The following GRM5 variants were observed in gnomAD, a reference collection of about 807,000 sequenced individuals.
The protein encoded by GRM5 is glutamate metabotropic receptor 5, also known as metabotropic glutamate receptor 5.
Under a neutral mutation model 83.1 loss-of-function variants are expected in GRM5, and 19 were observed. The ratio of observed to expected loss-of-function variants is 0.23; its 90% CI spans 0.16 to 0.34. GRM5 has a LOEUF of 0.34. Among genes scored for constraint, GRM5 ranks in the 10% least tolerant of loss-of-function variants. The pLI is 1.00. For synonymous variants in GRM5, 675 were observed against 633.6 expected (o/e 1.07, Z -0.98); for missense variants, 1,160 against 1,588.3 (o/e 0.73, Z 4.58).
At chr11:88,597,746 C>T (rs1156909134) in intron 5 of GRM5, among the ~76,000 whole-genome samples, 1 of 152,022 alleles carries the variant, frequency 6.6e-6, no homozygotes, top group Non-Finnish European at 1.5e-5. Flanking sequence ...TTTGGTAAAT[C>T]TTTCATCTTA....
At chr11:88,708,268 G>A (rs1941205030) in intron 3 of GRM5, among the ~76,000 whole-genome samples, 1 of 152,036 alleles carries the variant, frequency 6.6e-6, no homozygotes, top group African/African-American at 2.4e-5. Flanking sequence ...GTAAGTAAAT[G>A]TGTCCCAGCA....
rs943526677 is a variant in GRM5 at position 89,014,790 on chromosome 11, A to G, written c.661+32422T>C. Among the ~76,000 whole-genome samples, 10 of 152,312 alleles carry G rather than the reference A, an allele frequency of 6.6e-5. No homozygotes were observed. The East Asian group carries it at 1.5e-3, about 24-fold the overall frequency. On this transcript the variant is annotated intron_variant, in intron 2 of 9. Transcript: ENST00000305447. ...TGTATCAAAACATCTCATGTAACCC[A>G]TAAATATATATACCTACTCTGTACC...
rs10831385 is a variant in GRM5, at chr11:88,764,634, A to T, written c.911+85272T>A. Among the ~76,000 whole-genome samples, 576 of 151,426 alleles carry T rather than the reference A, an allele frequency of 3.8e-3. 3 individuals are homozygous for T. The highest frequency in any genetic ancestry group is 0.013 in the African/African-American group (540 of 41,428). ...AATCAAAAAAACAAATCACAGGGGA[A>T]ATTGGAAAATACTTAAAGATGAATG... On this transcript the variant is annotated intron_variant, in intron 3 of 9. Coordinates refer to ENST00000305447, the MANE Select transcript of GRM5 (RefSeq NM_001143831.3).
intron 2 of GRM5, among the ~76,000 whole-genome samples, chr11:89,036,526 G>C (rs1174681020): frequency 2.0e-5 from 3 of 152,012 alleles, no homozygotes; most frequent in African/African-American, 7.2e-5. Flanking sequence ...TGTGTGCCAA[G>C]CTTGATACTA....
chr11:88,574,534 C>T (rs1383534065), intron 7 of GRM5, among the ~76,000 whole-genome samples: 1 of 152,004 alleles, frequency 6.6e-6, no homozygotes, highest in African/African-American at 2.4e-5. Flanking sequence ...TTTGGGAGGC[C>T]GAGGTGGGTG....
At chr11:88,800,549 T>A (rs150656302) in intron 3 of GRM5, among the ~76,000 whole-genome samples, 1 of 152,158 alleles carries the variant, frequency 6.6e-6, no homozygotes, top group Non-Finnish European at 1.5e-5. Context: ...GCCAATTGCA[T>A]TGCACAAAAT....
At chr11:88,797,028 A>C (rs915938541) in intron 3 of GRM5, among the ~76,000 whole-genome samples, 5 of 151,944 alleles carry the variant, frequency 3.3e-5, no homozygotes, top group Non-Finnish European at 7.4e-5. Flanking sequence ...TTTGCTGTTG[A>C]ATTAATGTAT....
intron 8 of GRM5, among the ~76,000 whole-genome samples, chr11:88,529,071 C>T (rs1941947695): frequency 6.6e-6 from 1 of 151,990 alleles, no homozygotes; most frequent in Non-Finnish European, 1.5e-5. Context: ...GCAGAGTTAT[C>T]AAGTACAGGC....
intron 3 of GRM5, among the ~76,000 whole-genome samples, chr11:88,688,007 C>T (rs954157677): frequency 1.3e-5 from 2 of 152,082 alleles, no homozygotes; most frequent in Admixed American, 6.6e-5. Flanking sequence ...CTTTCCTTCA[C>T]TACATGTATT....
rs1258231556 is a variant in GRM5 at position 88,525,394 on chromosome 11, T to G, written c.2641A>C (p.Arg881=). 1.2e-6 allele frequency: 2 copies of G among 1,604,070 alleles called. No individual in the cohort carries two copies. Among genetic ancestry groups the G allele is most frequent in the Admixed American group, 1.7e-5 (1 of 59,902 alleles). Residue 881 remains arginine (R), a synonymous_variant, in exon 9 of 10, where the codon AGG becomes CGG. Transcript: ENST00000305447. ...SSGETLRYKD[R]RLAQHKSEIE... is the part of the protein sequence containing the mutation. ...TCCGACTTGTGCTGGGCCAGTCTCC[T>G]GTCTTTGTACCTGGTGAGCATGAAC...
intron 4 of GRM5, among the ~76,000 whole-genome samples, chr11:88,640,245 A>C (rs1939252358): frequency 6.6e-6 from 1 of 152,132 alleles, no homozygotes; most frequent in Non-Finnish European, 1.5e-5. Flanking sequence ...ATTTTACTAC[A>C]TGCACTAGTA....
At chr11:88,767,076 C>A (rs1942637890) in intron 3 of GRM5, among the ~76,000 whole-genome samples, 1 of 151,918 alleles carries the variant, frequency 6.6e-6, no homozygotes, top group African/African-American at 2.4e-5. Flanking sequence ...GTGTCATAAT[C>A]ACAGTTCACT....
At chr11:88,912,684 A>T (rs529010108) in intron 2 of GRM5, among the ~76,000 whole-genome samples, 1 of 152,346 alleles carries the variant, frequency 6.6e-6, no homozygotes, top group South Asian at 2.1e-4. Flanking sequence ...ATCCTTGTTA[A>T]TGTTCAATCT....
intron 1 of GRM5, among the ~76,000 whole-genome samples, chr11:89,063,810 A>G (rs1171886716): frequency 6.6e-6 from 1 of 152,176 alleles, no homozygotes; most frequent in Non-Finnish European, 1.5e-5. Context: ...TCCTTTAGGA[A>G]CATAGACTCC....
intron 2 of GRM5, among the ~76,000 whole-genome samples, chr11:88,960,670 G>T (rs1938754964): frequency 6.6e-6 from 1 of 152,180 alleles, no homozygotes; most frequent in South Asian, 2.1e-4. Context: ...TTGGAAAAAT[G>T]TGTGAGATGA....
intron 3 of GRM5, among the ~76,000 whole-genome samples, chr11:88,740,300 A>C (rs1347550968): frequency 6.6e-6 from 1 of 152,086 alleles, no homozygotes; most frequent in Non-Finnish European, 1.5e-5. Flanking sequence ...GCCATGGGGA[A>C]TAATAGCTTT....
Position 89,038,120 on chromosome 11 carries a change from C to T in GRM5, c.661+9092G>A, listed in dbSNP as rs1468005380. ...ACTATTTGAAAAAAAAGAAAAACAC[C>T]GACTAGATAATCTCTTTCTTTAGAA... On this transcript the variant is annotated intron_variant, in intron 2 of 9. Coordinates refer to ENST00000305447, the MANE Select transcript of GRM5 (RefSeq NM_001143831.3). Among the ~76,000 whole-genome samples, 3 of 149,708 alleles carry T rather than the reference C, an allele frequency of 2.0e-5. No individual in the cohort carries two copies. The East Asian group carries it at 5.9e-4, about 29-fold the overall frequency.
In GRM5 at chr11:88,955,217, A is replaced by G. The variant is rs1471191485; in HGVS notation, c.661+91995T>C. Among the ~76,000 whole-genome samples, 9 of 152,332 alleles carry G rather than the reference A, an allele frequency of 5.9e-5. No homozygotes were observed. In the East Asian group the frequency reaches 1.7e-3, roughly 29 times the overall value. ...AAGGAGTTTACTGTTATCATTCTTC[A>G]AGAATAAAAAGAGCTGGGACAATTC... is the stretch of plus-strand genomic sequence containing the variant. On this transcript the variant is annotated intron_variant, in intron 2 of 9. Coordinates refer to ENST00000305447, the MANE Select transcript of GRM5 (RefSeq NM_001143831.3).
intron 8 of GRM5, among the ~76,000 whole-genome samples, chr11:88,537,063 A>G (rs1354242212): frequency 1.3e-5 from 2 of 152,076 alleles, no homozygotes; most frequent in East Asian, 3.8e-4. Flanking sequence ...TTACCTCCAA[A>G]TCTCATGCTC....
Sources: gnomAD v4.1 joint callset for allele counts (sites outside exome capture counted in the v4.1 genomes callset) on GRCh38, gnomAD v4.1.1 for gene constraint, MANE v1.5 for transcripts, NCBI Gene and HGNC (gene_info 2026-07-23, HGNC 2026-07-21) for gene names.